Variants in CASZ1 observed in about 807,000 individuals in gnomAD.
CASZ1 encodes castor zinc finger 1.
CASZ1 carries 28 observed loss-of-function variants against 135.2 expected under a neutral mutation model. The ratio of observed to expected loss-of-function variants is 0.21; its 90% CI spans 0.15 to 0.28. CASZ1 has a LOEUF of 0.28. Among genes scored for constraint, CASZ1 ranks in the 10% least tolerant of loss-of-function variants. CASZ1 has a pLI of 1.00. For synonymous variants in CASZ1, 1,068 were observed against 1,073.4 expected (o/e 0.99, Z 0.10); for missense variants, 2,161 against 2,453.3 (o/e 0.88, Z 2.52).
intron 2 of CASZ1, among the ~76,000 whole-genome samples, chr1:10,754,732 A>G (rs1485287805): frequency 6.6e-6 from 1 of 152,130 alleles, no homozygotes; most frequent in African/African-American, 2.4e-5. Context: ...CGTGGGACTC[A>G]CAGCTGCTGC....
intron 2 of CASZ1, among the ~76,000 whole-genome samples, chr1:10,753,829 G>GT (rs1640194928): frequency 6.6e-6 from 1 of 152,192 alleles, no homozygotes; most frequent in Non-Finnish European, 1.5e-5. Context: ...GGTGGGTCTT[G>GT]TTTTTTAATA....
In CASZ1 at chr1:10,735,922, G is replaced by A. The variant is rs1639788916; in HGVS notation, c.-77+24779C>T. 6.6e-6 allele frequency among the ~76,000 whole-genome samples: 1 copy of A among 152,160 alleles called. No individual in the cohort carries two copies. On this transcript the variant is annotated intron_variant, in intron 2 of 20. Transcript: ENST00000377022. This position sits in a 1 kb window ranked among gnomAD's most constrained non-coding sequence, Gnocchi z 5.1. ...TTTTTCAGCCAGCTCTGGTCAAGTA[G>A]CTGCCCTGCGGACACCACTCTCTCC...
In CASZ1 at chr1:10,679,640, T is replaced by C. The variant is rs950556809; in HGVS notation, c.17-14069A>G. Among the ~76,000 whole-genome samples, 1 of 152,186 alleles carries C rather than the reference T, an allele frequency of 6.6e-6. No homozygotes were observed. The highest frequency in any genetic ancestry group is 1.5e-5 in the Non-Finnish European group (1 of 68,022). On this transcript the variant is annotated intron_variant, in intron 4 of 20. Coordinates refer to ENST00000377022, the MANE Select transcript of CASZ1 (RefSeq NM_001079843.3). This position sits in a 1 kb window ranked among gnomAD's most constrained non-coding sequence, Gnocchi z 4.7. The stretch of plus-strand genomic sequence containing the variant: ...TCGAGTGGGTGGTGGGTCTGGGCTC[T>C]GTCCACATCCTGTGCCTGCACGGGC...
intron 1 of CASZ1, among the ~76,000 whole-genome samples, chr1:10,789,236 T>A (rs1640911571): frequency 7.0e-6 from 1 of 142,662 alleles, no homozygotes; most frequent in Non-Finnish European, 1.5e-5. Context: ...ATCTTTGAGA[T>A]CCCCTGGGTC....
chr1:10,788,636 T>A lies in CASZ1; in HGVS notation c.-234+7928A>T, dbSNP rs149819487. ...TGCCTCACACCCAGGTGGCCAAGGA[T>A]GGAACAGGCGGAGACCACAGGCAGG... On this transcript the variant is annotated intron_variant, in intron 1 of 20. Coordinates refer to ENST00000377022, the MANE Select transcript of CASZ1 (RefSeq NM_001079843.3). This position sits in a 1 kb window ranked among gnomAD's most constrained non-coding sequence, Gnocchi z 4.1. 1.5e-4 allele frequency among the ~76,000 whole-genome samples: 23 copies of A among 152,290 alleles called. 1 individual carries two copies. In the East Asian group the frequency reaches 4.4e-3, roughly 29 times the overall value.
chr1:10,659,457 G>T (rs1157783667), intron 6 of CASZ1, among the ~76,000 whole-genome samples: 1 of 152,232 alleles, frequency 6.6e-6, no homozygotes, highest in African/African-American at 2.4e-5. Context: ...GAGCGGGGGG[G>T]CGCTGCAGGA....
chr1:10,749,642 G>T (rs888671359), intron 2 of CASZ1, among the ~76,000 whole-genome samples: 10 of 152,128 alleles, frequency 6.6e-5, no homozygotes, highest in African/African-American at 2.4e-4. Flanking sequence ...GGCGAATACG[G>T]AGACTCTTGT....
At chr1:10,751,596 A>C (rs899365779) in intron 2 of CASZ1, among the ~76,000 whole-genome samples, 10 of 152,242 alleles carry the variant, frequency 6.6e-5, no homozygotes, top group Non-Finnish European at 1.0e-4. Context: ...TGTTGGTCAG[A>C]GGCAACACGG....
In CASZ1 at chr1:10,647,978, G is replaced by T. The variant is rs771060379; in HGVS notation, c.3320C>A (p.Pro1107Gln). Residue 1107 changes from proline to glutamine, a missense_variant, in exon 16 of 21, where the codon CCG becomes CAG. By Grantham distance (76) the Pro-to-Gln change is moderately conservative. Around this residue, in one of 7 missense-constraint regions of CASZ1, gnomAD observed 349 missense variants for 460.8 expected, o/e 0.76. Transcript: ENST00000377022. This position sits in a 1 kb window ranked among gnomAD's most constrained non-coding sequence, Gnocchi z 4.9. ...VSSLEGPAPSPASVPSTPTLL... is the reference protein window; with the variant it reads ...VSSLEGPAPSQASVPSTPTLL... ...GGTGGGGGTGGAGGGCACGGAGGCCGGGCTGGGAGCGGGCCCCTCCAGAGA... is the reference window on the plus strand; with the variant it reads ...GGTGGGGGTGGAGGGCACGGAGGCCTGGCTGGGAGCGGGCCCCTCCAGAGA... 1.2e-6 allele frequency: 2 copies of T among 1,608,060 alleles called. No homozygotes were observed. Among genetic ancestry groups the T allele is most frequent in the Admixed American group, 1.7e-5 (1 of 59,688 alleles).
At chr1:10,731,848 A>T (rs1027258538) in intron 2 of CASZ1, among the ~76,000 whole-genome samples, 1 of 152,244 alleles carries the variant, frequency 6.6e-6, no homozygotes, top group Non-Finnish European at 1.5e-5. Context: ...TTGCCAAAAA[A>T]TGTAAAGCAA....
chr1:10,722,032 A>G (rs900779033), intron 2 of CASZ1, among the ~76,000 whole-genome samples: 1 of 152,232 alleles, frequency 6.6e-6, no homozygotes, highest in Non-Finnish European at 1.5e-5. Flanking sequence ...CGTTAAGATG[A>G]CACAGGCATC....
rs998228802 is a variant in CASZ1, at chr1:10,665,361, G to A, written c.227C>T (p.Ala76Val). 2 of 1,611,428 alleles carry A rather than the reference G, an allele frequency of 1.2e-6. No individual in the cohort carries two copies. The highest frequency in any genetic ancestry group is 2.2e-5 in the East Asian group (1 of 44,820). The change falls in exon 5 of 21, where the codon GCC (alanine) becomes GTC (valine). Residue 76 changes from alanine (A) to valine (V), a missense_variant. Ala to Val is a moderately conservative substitution (Grantham distance 64). Around this residue, in one of 7 missense-constraint regions of CASZ1, gnomAD observed 590 missense variants for 609.8 expected, o/e 0.97. Coordinates refer to ENST00000377022, the MANE Select transcript of CASZ1 (RefSeq NM_001079843.3). ...RSGPESGAAR[A>V]PRSEEDKRRA... ...TCTCTTGTCTTCCTCGCTGCGGGGG[G>A]CCCGGGCTGCCCCAGACTCAGGGCC...
chr1:10,785,805 G>A (rs917334852), intron 1 of CASZ1, among the ~76,000 whole-genome samples: 4 of 152,190 alleles, frequency 2.6e-5, no homozygotes, highest in Non-Finnish European at 5.9e-5. Context: ...CTCCTCCTGC[G>A]CCCCTGCTAT....
rs937482173 is a variant in CASZ1, at chr1:10,774,518, A to G, written c.-233-13661T>C. Among the ~76,000 whole-genome samples, 1 of 150,738 alleles carries G rather than the reference A, an allele frequency of 6.6e-6. No individual in the cohort carries two copies. Among genetic ancestry groups the G allele is most frequent in the East Asian group, 2.0e-4 (1 of 5,026 alleles). On this transcript the variant is annotated intron_variant, in intron 1 of 20. Transcript: ENST00000377022. The surrounding 1 kb of genome is among the most constrained non-coding windows in gnomAD (Gnocchi z 4.4). ...GTTTAGAGTCCTTTGCCTTCTGCAC[A>G]TTCTTTAAGCCCCGTGATCCCAAGA...
chr1:10,650,715 G>A lies in CASZ1; in HGVS notation c.2857C>T (p.Leu953Phe), dbSNP rs1206633219. ...ACCTTATTCATAAGCGAGGATAAAA[G>A]AGATGAATTTGCCGGGACTGCGTGG... ...NGHAVPANSS[L>F]LSSLMNKMSQ... The change falls in exon 13 of 21, where the codon CTT (leucine) becomes TTT (phenylalanine). Residue 953 changes from leucine (L) to phenylalanine (F), a missense_variant. Coordinates refer to ENST00000377022, the MANE Select transcript of CASZ1 (RefSeq NM_001079843.3). 6.2e-7 allele frequency: 1 copy of A among 1,614,094 alleles called. No homozygotes were observed.
At chr1:10,792,345 CCG>C (rs1640976521) in intron 1 of CASZ1, among the ~76,000 whole-genome samples, 1 of 69,340 alleles carries the variant, frequency 1.4e-5, no homozygotes, top group Non-Finnish European at 3.5e-5. Flanking sequence ...CCCCCCGGCC[CCG>C]CACACAAAGT....
At chr1:10,656,883 G>A (rs1312618121) in intron 7 of CASZ1, 147 bp from the exon 8 acceptor site, 9 of 623,622 alleles carry the variant, frequency 1.4e-5, no homozygotes, top group Non-Finnish European at 2.0e-5. Flanking sequence ...AAGTGACTGG[G>A]CCTGGCGGGA....
Position 10,655,674 on chromosome 1 carries a change from T to C in CASZ1, c.1640A>G (p.Lys547Arg). 1.2e-6 allele frequency: 2 copies of C among 1,613,798 alleles called. No homozygotes were observed. Among genetic ancestry groups the C allele is most frequent in the East Asian group, 2.2e-5 (1 of 44,888 alleles). ...VYYHGCHLNG[K>R]STHYHCMQVG... Reference sequence around the variant, plus strand: ...CTGCATGCAGTGATAGTGGGTGCTCTTCCCATTGAGGTGGCAGCCGTGGTA... The same window carrying C: ...CTGCATGCAGTGATAGTGGGTGCTCCTCCCATTGAGGTGGCAGCCGTGGTA... Residue 547 changes from lysine (K) to arginine (R), a missense_variant, in exon 9 of 21, where the codon AAG becomes AGG. Transcript: ENST00000377022.
Position 10,700,574 on chromosome 1 carries a change from G to A in CASZ1, c.-24+4918C>T, listed in dbSNP as rs1639041889. On this transcript the variant is annotated intron_variant, in intron 3 of 20. Transcript: ENST00000377022. This position sits in a 1 kb window ranked among gnomAD's most constrained non-coding sequence, Gnocchi z 4.2. ...CATGTGTGTCAGGGGTGGGGTGGGG[G>A]TTAGCCAGGACATCAAGCAATCCCT... Among the ~76,000 whole-genome samples, 1 of 152,164 alleles carries A rather than the reference G, an allele frequency of 6.6e-6. No individual in the cohort carries two copies. The highest frequency in any genetic ancestry group is 6.5e-5 in the Admixed American group (1 of 15,276).
Sources: gnomAD v4.1 joint callset for allele counts (sites outside exome capture counted in the v4.1 genomes callset) on GRCh38, gnomAD v4.1.1 for gene constraint, gnomAD v4.1.1 regional missense constraint, Gnocchi (gnomAD v3.1) non-coding constraint, MANE v1.5 for transcripts, NCBI Gene and HGNC (gene_info 2026-07-23, HGNC 2026-07-21) for gene names.